Variants in KIF1A observed in about 807,000 individuals in gnomAD.
KIF1A encodes the protein kinesin-like protein KIF1A.
In KIF1A, 46 loss-of-function variants were observed where a neutral mutation model predicts 227.3. That is an observed-to-expected ratio of 0.20 (90% CI 0.16 to 0.26). The LOEUF (loss-of-function observed/expected upper bound fraction) is 0.26, where lower values mean the gene tolerates loss of function less well. Ranked by LOEUF, KIF1A falls within the 10% of genes least tolerant of loss-of-function variation. KIF1A has a pLI of 1.00. For missense variants in KIF1A, 1,683 were observed against 2,485.9 expected (o/e 0.68, Z 6.87); for synonymous variants, 1,022 against 1,012.8 (o/e 1.01, Z -0.17).
Position 240,719,066 on chromosome 2 carries a change from G to A in KIF1A, c.5154C>T (p.Phe1718=), listed in dbSNP as rs1042543542. Residue 1718 remains phenylalanine, a synonymous_variant, in exon 47 of 49, where the codon TTC becomes TTT. Transcript: ENST00000498729. ...YNSDKDTVER[F]VLNLATAQVE... ...CCTGGGCAGTGGCCAGGTTGAGCAC[G>A]AACCGCTCCACGGTGTCCTTGTCGC... 9.3e-6 allele frequency: 15 copies of A among 1,612,314 alleles called. No individual in the cohort carries two copies. The highest frequency in any genetic ancestry group is 1.2e-5 in the Non-Finnish European group (14 of 1,179,618).
intron 38 of KIF1A, among the ~76,000 whole-genome samples, chr2:240,730,975 G>A (rs2046535694): frequency 6.6e-6 from 1 of 152,204 alleles, no homozygotes; most frequent in Non-Finnish European, 1.5e-5. Flanking sequence ...CAAGCCCCCT[G>A]AGGGCAGCTG....
intron 44 of KIF1A, 27 bp from the exon 45 acceptor site, chr2:240,721,065 G>T (rs750467041): frequency 3.7e-6 from 6 of 1,610,424 alleles, no homozygotes; most frequent in South Asian, 2.2e-5. Flanking sequence ...TTTTTCAGGG[G>T]ACACAGGGAA....
At position 240,719,820 on chromosome 2, in the gene KIF1A, C is replaced by G. The variant is rs764970503; in HGVS notation, c.4975G>C (p.Glu1659Gln). The G allele has an allele frequency of 3.1e-6, 5 of 1,609,952 alleles. No individual in the cohort carries two copies. Among genetic ancestry groups the G allele is most frequent in the Non-Finnish European group, 1.7e-6 (2 of 1,178,394 alleles). Residue 1659 changes from glutamate (E) to glutamine (Q), a missense_variant, in exon 46 of 49, where the codon GAG (glutamate) becomes CAG (glutamine). Glu to Gln is a conservative substitution (Grantham distance 29, BLOSUM62 2). Around this residue, in one of 12 missense-constraint regions of KIF1A, gnomAD observed 384 missense variants for 410.1 expected, o/e 0.94. Transcript: ENST00000498729. Reference sequence around the variant, plus strand: ...TCAGGGACCAGCAGGCGCTGGGGCTCCTTGTCTGTCTCTGTTGCCCGGGCA... The same window carrying G: ...TCAGGGACCAGCAGGCGCTGGGGCTGCTTGTCTGTCTCTGTTGCCCGGGCA... ...SPARATETDK[E>Q]PQRLLVPDIQ...
In KIF1A at chr2:240,792,563, G is replaced by C. The variant is rs1421249752; in HGVS notation, c.107-3251C>G. Among the ~76,000 whole-genome samples the C allele has an allele frequency of 1.3e-5, 2 of 152,064 alleles. No individual in the cohort carries two copies. The highest frequency in any genetic ancestry group is 2.9e-5 in the Non-Finnish European group (2 of 68,006). ...AGGAGTGGGGGGAGCTGGAAGAAGG[G>C]GGACGGGAAAGGAATGGAATACAGC... is the stretch of plus-strand genomic sequence containing the variant. On this transcript the variant is annotated intron_variant, in intron 2 of 48. Transcript: ENST00000498729. This position sits in a 1 kb window ranked among gnomAD's most constrained non-coding sequence, Gnocchi z 4.5.
chr2:240,805,118 G>T (rs2057304350), intron 1 of KIF1A, among the ~76,000 whole-genome samples: 1 of 78,316 alleles, frequency 1.3e-5, no homozygotes. Flanking sequence ...GGAGGGAGAG[G>T]GGAGGGAGGG....
At chr2:240,722,363 TG>T in intron 43 of KIF1A, 92 bp downstream of exon 43, 1 of 1,266,430 alleles carries the variant, frequency 7.9e-7, no homozygotes. Flanking sequence ...AGAGCAGCCA[TG>T]GGCAAGGCCG....
At chr2:240,782,553 T>TCCCGCACCTGC (rs2054202902) in intron 10 of KIF1A, 37 bp downstream of exon 10, 1 of 1,549,402 alleles carries the variant, frequency 6.5e-7, no homozygotes, top group Non-Finnish European at 8.7e-7. Context: ...GCCACCAGCC[T>TCCCGCACCTGC]CCCGCACCTG....
intron 1 of KIF1A, among the ~76,000 whole-genome samples, chr2:240,813,042 T>TCA (rs1553642834): frequency 1.3e-5 from 2 of 150,064 alleles, no homozygotes; most frequent in Non-Finnish European, 3.0e-5. Flanking sequence ...AGGATCCACT[T>TCA]GCTCCCAGTT....
intron 1 of KIF1A, among the ~76,000 whole-genome samples, chr2:240,810,997 T>C (rs1374985928): frequency 1.3e-5 from 2 of 152,236 alleles, no homozygotes; most frequent in African/African-American, 2.4e-5. Context: ...AATGTGGGCA[T>C]GTGGCCGTTG....
chr2:240,774,986 G>A lies in KIF1A; in HGVS notation c.959-725C>T, dbSNP rs538199078. ...GTGAAGGGCTGGGCACATACCACAC[G>A]GGCCCCAGGAAAGCCTCTGTGGGAG... On this transcript the variant is annotated intron_variant, in intron 11 of 48. Coordinates refer to ENST00000498729, the MANE Select transcript of KIF1A (RefSeq NM_001244008.2). Among the ~76,000 whole-genome samples the A allele has an allele frequency of 3.9e-5, 6 of 152,272 alleles. No homozygotes were observed. The East Asian group carries it at 9.7e-4, about 25-fold the overall frequency.
intron 38 of KIF1A, among the ~76,000 whole-genome samples, chr2:240,732,334 T>G (rs1330107490): frequency 8.8e-3 from 281 of 31,872 alleles, no homozygotes; most frequent in Middle Eastern, 0.019. Context: ...AATGAGGGGG[T>G]GAAGGAGTGA....
At chr2:240,743,826 G>T in intron 33 of KIF1A, 116 bp downstream of exon 33, 1 of 681,416 alleles carries the variant, frequency 1.5e-6, no homozygotes, top group Non-Finnish European at 2.6e-6. Flanking sequence ...GGATGGGCAG[G>T]GGAGGTGGGT....
At position 240,807,120 on chromosome 2, in the gene KIF1A, G is replaced by A. The variant is rs867439868; in HGVS notation, c.-60-9308C>T. ...TGTGTGTGTGTGTGTGTGTGTGTGT[G>A]TGTGTGTGTGTATATATATATATAT... On this transcript the variant is annotated intron_variant, in intron 1 of 48. Coordinates refer to ENST00000498729, the MANE Select transcript of KIF1A (RefSeq NM_001244008.2). Among the ~76,000 whole-genome samples the A allele has an allele frequency of 9.2e-3, 755 of 82,176 alleles. 22 individuals carry two copies. The highest frequency in any genetic ancestry group is 0.052 in the African/African-American group (717 of 13,668). 53.9% of individuals were successfully genotyped at this position (82,176 alleles called of 152,430 possible). A position where few individuals can be genotyped will look rare whatever the true frequency, so the allele number is the denominator to read the frequency against.
chr2:240,794,614 C>T (rs980322242), intron 2 of KIF1A, among the ~76,000 whole-genome samples: 7 of 152,248 alleles, frequency 4.6e-5, no homozygotes, highest in Non-Finnish European at 8.8e-5. Context: ...GCGGTTGCCC[C>T]GGGCTTGGTA....
rs1575508743 is a variant in KIF1A at position 240,717,114 on chromosome 2, G to C, written c.*250C>G. ...AGAACCCCCGTAACCTGTGCCCTTG[G>C]CCCCCCCAGCCTCTCCCAACTTGTT... On this transcript the variant is annotated 3_prime_UTR_variant, in exon 49 of 49. Coordinates refer to ENST00000498729, the MANE Select transcript of KIF1A (RefSeq NM_001244008.2). The C allele has an allele frequency of 2.1e-6, 1 of 469,082 alleles. No individual in the cohort carries two copies. Among genetic ancestry groups the C allele is most frequent in the Non-Finnish European group, 3.8e-6 (1 of 264,070 alleles). The allele number at this position is 469,082 out of a possible 1,614,324, so 29.1% of individuals were successfully genotyped here.
rs2048715883 is a variant in KIF1A at position 240,747,321 on chromosome 2, G to A, written c.2978C>T (p.Ala993Val). ...FLRVAVQAIS[A>V]DEEAPDYGSG... Reference sequence around the variant, plus strand: ...GCCATAATCAGGGGCCTCTTCATCGGCTGCAGGAGAAACAGAGCAAATGGT... The same window carrying A: ...GCCATAATCAGGGGCCTCTTCATCGACTGCAGGAGAAACAGAGCAAATGGT... The change falls in exon 29 of 49, where the codon GCC becomes GTC. Residue 993 changes from alanine to valine, a missense_variant and splice_region_variant. Ala to Val is a moderately conservative substitution (Grantham distance 64). Around this residue, in one of 12 missense-constraint regions of KIF1A, gnomAD observed 759 missense variants for 1,020.2 expected, o/e 0.74. Transcript: ENST00000498729. 2 of 1,612,314 alleles carry A rather than the reference G, an allele frequency of 1.2e-6. No homozygotes were observed. Among genetic ancestry groups the A allele is most frequent in the South Asian group, 2.2e-5 (2 of 91,018 alleles).
At position 240,718,115 on chromosome 2, in the gene KIF1A, G is replaced by T. The variant is rs377628410; in HGVS notation, c.5268C>A (p.Ala1756=). 6.2e-7 allele frequency: 1 copy of T among 1,611,628 alleles called. No individual in the cohort carries two copies. Among genetic ancestry groups the T allele is most frequent in the East Asian group, 2.2e-5 (1 of 44,800 alleles). The change falls in exon 48 of 49, where the codon GCC becomes GCA. Residue 1756 remains alanine, a synonymous_variant. Transcript: ENST00000498729. ...AGTCATGCATGTCCTTGTCGCTGGC[G>T]GCCTGCAGCAGGATGCCGCGGTGTT... The part of the protein sequence containing the change: ...CTEHRGILLQ[A]ASDKDMHDWL...
At chr2:240,729,509 G>A (rs555532731) in intron 38 of KIF1A, among the ~76,000 whole-genome samples, 1 of 152,342 alleles carries the variant, frequency 6.6e-6, no homozygotes, top group South Asian at 2.1e-4. Context: ...GCCCCTGAGT[G>A]GGACACAGCA....
chr2:240,785,434 G>C (rs781139837), intron 6 of KIF1A, among the ~76,000 whole-genome samples: 10 of 152,242 alleles, frequency 6.6e-5, no homozygotes, highest in Admixed American at 2.0e-4. Context: ...GGAGGGGAAG[G>C]GGGAAAGGGC....
Sources: gnomAD v4.1 joint callset for allele counts (sites outside exome capture counted in the v4.1 genomes callset) on GRCh38, gnomAD v4.1.1 for gene constraint, gnomAD v4.1.1 regional missense constraint, Gnocchi (gnomAD v3.1) non-coding constraint, MANE v1.5 for transcripts, NCBI Gene and HGNC (gene_info 2026-07-23, HGNC 2026-07-21) for gene names.